The following RBFOX1 variants were observed in gnomAD, a reference collection of about 807,000 sequenced individuals.
The protein encoded by RBFOX1 is RNA binding protein fox-1 homolog 1.
Under a neutral mutation model 57.7 loss-of-function variants are expected in RBFOX1, and 8 were observed. That is an observed-to-expected ratio of 0.14 (90% CI 0.08 to 0.25). The LOEUF is 0.25. RBFOX1 is among the 10% of genes least tolerant of loss of function. The pLI, the probability that RBFOX1 is intolerant of heterozygous loss-of-function variation, is 1.00. For synonymous variants in RBFOX1, 326 were observed against 222.4 expected (o/e 1.47, Z -4.15); for missense variants, 611 against 548.5 (o/e 1.11, Z -1.14).
chr16:6,364,276 AT>A (rs2089172071), intron 2 of RBFOX1, among the ~76,000 whole-genome samples: 1 of 152,338 alleles, frequency 6.6e-6, no homozygotes, highest in Non-Finnish European at 1.5e-5. Flanking sequence ...AAAGCTGGTT[AT>A]TTGGCTTGCC....
At chr16:6,117,228 A>C (rs1008729154) in intron 1 of RBFOX1, among the ~76,000 whole-genome samples, 1 of 152,148 alleles carries the variant, frequency 6.6e-6, no homozygotes, top group African/African-American at 2.4e-5. Flanking sequence ...ACAAATTACT[A>C]TGAGTGTGTA....
intron 2 of RBFOX1, among the ~76,000 whole-genome samples, chr16:6,576,415 C>T (rs926435647): frequency 6.6e-6 from 1 of 152,236 alleles, no homozygotes; most frequent in Non-Finnish European, 1.5e-5. Flanking sequence ...CATAGTGGAC[C>T]CAGTTGGGAA....
chr16:7,440,647 C>G (rs1165549950), intron 4 of RBFOX1, among the ~76,000 whole-genome samples: 2 of 152,144 alleles, frequency 1.3e-5, no homozygotes, highest in East Asian at 3.9e-4. Flanking sequence ...TTTAGCCTCA[C>G]AGGTTTTGCT....
intron 4 of RBFOX1, among the ~76,000 whole-genome samples, chr16:7,488,110 A>C (rs1177159930): frequency 6.6e-6 from 1 of 152,132 alleles, no homozygotes; most frequent in Non-Finnish European, 1.5e-5. Context: ...AGCAGGCTGG[A>C]GTGCTAATCC....
At chr16:7,215,843 G>C (rs2091946300) in intron 4 of RBFOX1, among the ~76,000 whole-genome samples, 1 of 150,880 alleles carries the variant, frequency 6.6e-6, no homozygotes, top group South Asian at 2.1e-4. Context: ...TCCTGCCTCA[G>C]CCTCCCGATT....
At chr16:6,738,831 G>C (rs73543673) in intron 3 of RBFOX1, among the ~76,000 whole-genome samples, 14,713 of 151,998 alleles carry the variant, frequency 0.097, 945 homozygotes, top group African/African-American at 0.17. Flanking sequence ...TTCATAAAGA[G>C]AACAGGAAAA....
intron 4 of RBFOX1, among the ~76,000 whole-genome samples, chr16:6,003,302 AT>A (rs1567243680): frequency 4.7e-5 from 7 of 149,806 alleles, no homozygotes; most frequent in African/African-American, 1.7e-4. Flanking sequence ...AAAAAAAGCA[AT>A]GAGAGGGAAA....
In RBFOX1 at chr16:7,491,018, G is replaced by T. The variant is rs943423708; in HGVS notation, c.28-27129G>T. ...TTGGAAAACTCTGAAAGCTGTCATAGGTCTAGAAATCCATCAACTCCAGAT... is the reference window on the plus strand; with the variant it reads ...TTGGAAAACTCTGAAAGCTGTCATATGTCTAGAAATCCATCAACTCCAGAT... On this transcript the variant is annotated intron_variant, in intron 4 of 15. Coordinates refer to ENST00000550418, the MANE Select transcript of RBFOX1 (RefSeq NM_018723.4). Among the ~76,000 whole-genome samples, 6 of 152,212 alleles carry T rather than the reference G, an allele frequency of 3.9e-5. No individual in the cohort carries two copies. In the East Asian group the frequency reaches 1.2e-3, roughly 29 times the overall value.
intron 3 of RBFOX1, among the ~76,000 whole-genome samples, chr16:6,656,281 C>T (rs999733010): frequency 1.4e-4 from 22 of 152,286 alleles, no homozygotes; most frequent in African/African-American, 4.8e-4. Context: ...TTATGGAATT[C>T]ATCAACATGT....
At position 5,856,306 on chromosome 16, in the gene RBFOX1, CACACAT is replaced by C. The variant is rs1428081210; in HGVS notation, c.319-10995_319-10990del. Among the ~76,000 whole-genome samples the C allele has an allele frequency of 2.8e-4, 21 of 75,630 alleles. No homozygotes were observed. The East Asian group carries it at 8.3e-3, about 30-fold the overall frequency. 49.6% of individuals were successfully genotyped at this position (75,630 alleles called of 152,430 possible). A position where few individuals can be genotyped will look rare whatever the true frequency, so the allele number is the denominator to read the frequency against. On this transcript the variant is annotated intron_variant, in intron 3 of 19. Transcript: ENST00000641259. ...ATATACACACACACACACACACACA[CACACAT>C]ATATATAGGGAAAACTGTTATATTA...
At chr16:5,309,160 C>T (rs1014159090) in intron 1 of RBFOX1, among the ~76,000 whole-genome samples, 1 of 152,158 alleles carries the variant, frequency 6.6e-6, no homozygotes, top group African/African-American at 2.4e-5. Flanking sequence ...CTTAAAATTC[C>T]TTTACTGTCA....
chr16:6,862,259 A>T, intron 3 of RBFOX1, among the ~76,000 whole-genome samples: 1 of 152,090 alleles, frequency 6.6e-6, no homozygotes, highest in East Asian at 1.9e-4. Flanking sequence ...GTCCTAGGCC[A>T]CCTCCAGAGA....
chr16:6,573,692 G>C (rs2097377571), intron 2 of RBFOX1: 1 of 152,208 alleles, frequency 6.6e-6, no homozygotes, highest in African/African-American at 2.4e-5. Context: ...CATGCTCAGG[G>C]GTGACGCGCC....
At chr16:5,597,071 T>G (rs982488465) in intron 2 of RBFOX1, among the ~76,000 whole-genome samples, 8 of 152,236 alleles carry the variant, frequency 5.3e-5, no homozygotes, top group African/African-American at 1.9e-4. Flanking sequence ...TCAGAAACGA[T>G]GTACAGAAAC....
intron 3 of RBFOX1, among the ~76,000 whole-genome samples, chr16:7,005,591 G>C (rs2093226215): frequency 6.6e-6 from 1 of 152,134 alleles, no homozygotes; most frequent in South Asian, 2.1e-4. Flanking sequence ...ATTAGTGATG[G>C]CTTGGTGTTG....
At chr16:6,241,775 C>T (rs1399305536) in intron 1 of RBFOX1, among the ~76,000 whole-genome samples, 2 of 152,192 alleles carry the variant, frequency 1.3e-5, no homozygotes, top group Non-Finnish European at 2.9e-5. Flanking sequence ...GTGTTTCAAT[C>T]ACAGTGGGTA....
At chr16:6,554,135 A>G (rs371756555) in intron 2 of RBFOX1, among the ~76,000 whole-genome samples, 1 of 152,252 alleles carries the variant, frequency 6.6e-6, no homozygotes. Context: ...GTAATTAGAA[A>G]TTGGCAAAAT....
At chr16:6,144,893 G>T (rs1167421901) in intron 1 of RBFOX1, among the ~76,000 whole-genome samples, 1 of 152,208 alleles carries the variant, frequency 6.6e-6, no homozygotes, top group African/African-American at 2.4e-5. Context: ...TTGTCCACCT[G>T]TGGTCTGTTG....
chr16:5,851,682 T>A (rs943592612), intron 3 of RBFOX1, among the ~76,000 whole-genome samples: 6 of 152,242 alleles, frequency 3.9e-5, no homozygotes, highest in Non-Finnish European at 8.8e-5. Flanking sequence ...TCAAAGGTTC[T>A]GAGCATTCCT....
Sources: gnomAD v4.1 joint callset for allele counts (sites outside exome capture counted in the v4.1 genomes callset) on GRCh38, gnomAD v4.1.1 for gene constraint, MANE v1.5 for transcripts, NCBI Gene and HGNC (gene_info 2026-07-23, HGNC 2026-07-21) for gene names.